Variants in KCNN2 observed in about 807,000 individuals in gnomAD.
The protein encoded by KCNN2 is small conductance calcium-activated potassium channel protein 2.
In KCNN2, 24 loss-of-function variants were observed where a neutral mutation model predicts 55.5. The ratio of observed to expected loss-of-function variants is 0.43; its 90% CI spans 0.31 to 0.61. The LOEUF (loss-of-function observed/expected upper bound fraction) is 0.61, where lower values mean the gene tolerates loss of function less well. KCNN2 is among the 20% of genes least tolerant of loss of function. KCNN2 has a pLI of 0.08. For synonymous variants in KCNN2, 431 were observed against 336.1 expected (o/e 1.28, Z -3.09); for missense variants, 754 against 853.6 (o/e 0.88, Z 1.45).
At chr5:114,486,788 G>A in intron 5 of KCNN2, 1 of 1,337,330 alleles carries the variant, frequency 7.5e-7, no homozygotes, top group Non-Finnish European at 9.8e-7. Flanking sequence ...GAATAAAAAA[G>A]AAGTTTCCTG....
At chr5:114,329,589 T>C (rs1756772176) in intron 2 of KCNN2, among the ~76,000 whole-genome samples, 1 of 152,168 alleles carries the variant, frequency 6.6e-6, no homozygotes, top group Admixed American at 6.5e-5. Flanking sequence ...GGTGCACTGT[T>C]GGCTTCCTTA....
chr5:114,465,365 C>T, intron 4 of KCNN2, among the ~76,000 whole-genome samples: 1 of 152,104 alleles, frequency 6.6e-6, no homozygotes, highest in East Asian at 1.9e-4. Context: ...GTAATCCCAA[C>T]ACTTTGGGAG....
chr5:114,394,373 T>C (rs1053863810), intron 2 of KCNN2, among the ~76,000 whole-genome samples: 3 of 152,190 alleles, frequency 2.0e-5, no homozygotes, highest in African/African-American at 7.2e-5. Context: ...TTTTATGTAT[T>C]AGGGAGGTTA....
Position 114,422,202 on chromosome 5 carries a change from A to G in KCNN2, c.1637+17346A>G, listed in dbSNP as rs144826072. ...GCTATTTTAGACACGTCTTACTGCTATAGATTAAATTTTTATGTTCCCCCA... is the reference window on the plus strand; with the variant it reads ...GCTATTTTAGACACGTCTTACTGCTGTAGATTAAATTTTTATGTTCCCCCA... On this transcript the variant is annotated intron_variant, in intron 3 of 7. Transcript: ENST00000673685. Among the ~76,000 whole-genome samples, 41 of 152,316 alleles carry G rather than the reference A, an allele frequency of 2.7e-4. 1 individual carries two copies. Among genetic ancestry groups the G allele is most frequent in the African/African-American group, 9.6e-4 (40 of 41,576 alleles).
intron 2 of KCNN2, among the ~76,000 whole-genome samples, chr5:114,245,705 CA>C (rs949380891): frequency 1.3e-5 from 2 of 151,912 alleles, no homozygotes; most frequent in Non-Finnish European, 2.9e-5. Context: ...CAAAACAAAA[CA>C]AAAAAACATA....
At chr5:114,449,879 T>TACACACAC (rs745574908) in intron 3 of KCNN2, among the ~76,000 whole-genome samples, 996 of 93,416 alleles carry the variant, frequency 0.011, 8 homozygotes, top group African/African-American at 0.025. Context: ...CATCCAAACA[T>TACACACAC]ACACACACAC....
At chr5:114,157,371 T>G (rs1037009639) in intron 1 of KCNN2, among the ~76,000 whole-genome samples, 1 of 152,130 alleles carries the variant, frequency 6.6e-6, no homozygotes, top group Non-Finnish European at 1.5e-5. Context: ...TTCCCTGGTG[T>G]ATATGTGCCA....
chr5:114,405,452 A>C (rs1758902299), intron 3 of KCNN2, among the ~76,000 whole-genome samples: 1 of 152,208 alleles, frequency 6.6e-6, no homozygotes, highest in Non-Finnish European at 1.5e-5. Flanking sequence ...ACCTAGGCAT[A>C]TATTCTCAGA....
chr5:114,117,634 A>G (rs1306536730), intron 1 of KCNN2, among the ~76,000 whole-genome samples: 1 of 152,192 alleles, frequency 6.6e-6, no homozygotes, highest in Non-Finnish European at 1.5e-5. Context: ...TGGGGGAAAT[A>G]AGATTTGACC....
At chr5:114,227,169 T>C (rs1009138949) in intron 2 of KCNN2, among the ~76,000 whole-genome samples, 4 of 152,214 alleles carry the variant, frequency 2.6e-5, no homozygotes, top group Non-Finnish European at 5.9e-5. Flanking sequence ...TACACTCTTT[T>C]AGGCAGGGAC....
chr5:114,418,697 C>T (rs1373700053), intron 3 of KCNN2, among the ~76,000 whole-genome samples: 2 of 152,158 alleles, frequency 1.3e-5, no homozygotes, highest in African/African-American at 4.8e-5. Flanking sequence ...TTCAACTTTC[C>T]TTTCATGAAA....
exon 1 of KCNN2, chr5:114,056,179 G>C (rs951018127): frequency 2.5e-6 from 1 of 393,168 alleles, no homozygotes; most frequent in East Asian, 3.6e-5. Flanking sequence ...AATCAGCAGC[G>C]AGTGGGCAGC....
At chr5:114,074,002 A>C (rs1011008737) in intron 1 of KCNN2, among the ~76,000 whole-genome samples, 1 of 152,214 alleles carries the variant, frequency 6.6e-6, no homozygotes, top group African/African-American at 2.4e-5. Flanking sequence ...AAGTTTCTCA[A>C]GATGGAACAG....
chr5:114,480,168 A>C (rs921501869), intron 5 of KCNN2, among the ~76,000 whole-genome samples: 3 of 152,190 alleles, frequency 2.0e-5, no homozygotes, highest in African/African-American at 7.2e-5. Context: ...ACACTATGAT[A>C]AGGGGGATAT....
chr5:114,366,366 C>G lies in KCNN2; in HGVS notation c.1218+2365C>G, dbSNP rs116310128. 5.5e-3 allele frequency among the ~76,000 whole-genome samples: 842 copies of G among 152,246 alleles called. 8 individuals carry two copies. Among genetic ancestry groups the G allele is most frequent in the African/African-American group, 0.019 (810 of 41,554 alleles). On this transcript the variant is annotated intron_variant, in intron 2 of 7. Coordinates refer to ENST00000673685, the MANE Select transcript of KCNN2 (RefSeq NM_021614.4). ...TGTGGTTTCTGTTAAACCCACTATA[C>G]TTAAGATAATTTCAAAATAGATGCT...
At chr5:114,093,660 A>C (rs1751194942) in intron 1 of KCNN2, among the ~76,000 whole-genome samples, 1 of 152,166 alleles carries the variant, frequency 6.6e-6, no homozygotes. Context: ...GAAACAAGGC[A>C]CCTTCTTCAT....
chr5:114,354,646 G>T (rs1580741843), intron 2 of KCNN2, among the ~76,000 whole-genome samples: 1 of 152,100 alleles, frequency 6.6e-6, no homozygotes, highest in East Asian at 1.9e-4. Flanking sequence ...AGTTATATGA[G>T]CTAGGAAGTA....
At chr5:114,407,088 G>A (rs1758959267) in intron 3 of KCNN2, among the ~76,000 whole-genome samples, 1 of 151,920 alleles carries the variant, frequency 6.6e-6, no homozygotes, top group African/African-American at 2.4e-5. Context: ...AATTACACAA[G>A]GATGTAATTT....
intron 2 of KCNN2, among the ~76,000 whole-genome samples, chr5:114,317,294 T>A (rs1280720620): frequency 6.6e-6 from 1 of 152,142 alleles, no homozygotes; most frequent in African/African-American, 2.4e-5. Context: ...GAAATACACT[T>A]TTTTACAAAG....
Sources: gnomAD v4.1 joint callset for allele counts (sites outside exome capture counted in the v4.1 genomes callset) on GRCh38, gnomAD v4.1.1 for gene constraint, MANE v1.5 for transcripts, NCBI Gene and HGNC (gene_info 2026-07-23, HGNC 2026-07-21) for gene names.